STK32C: variants seen among roughly 807,000 people sequenced by gnomAD.
STK32C encodes serine/threonine kinase 32C, also known as serine/threonine-protein kinase 32C.
STK32C carries 31 observed loss-of-function variants against 56.5 expected under a neutral mutation model. The observed-to-expected ratio is 0.55, with a 90% confidence interval of 0.41 to 0.74. STK32C has a LOEUF of 0.74. Among genes scored for constraint, STK32C ranks in the 30% least tolerant of loss-of-function variants. The pLI is 0.00. For synonymous variants in STK32C, 309 were observed against 289.4 expected, an observed-to-expected ratio of 1.07 and a Z score of -0.69; for missense variants, 544 against 676.9, an observed-to-expected ratio of 0.80 and a Z score of 2.18.
chr10:132,243,720 G>A (rs1277902469), intron 2 of STK32C, among the ~76,000 whole-genome samples: 3 of 152,170 alleles, frequency 2.0e-5, no homozygotes, highest in Non-Finnish European at 2.9e-5. Context: ...CGAGAGCGGC[G>A]GCCCCGAGGG....
At chr10:132,219,708 G>A (rs967695987) in intron 10 of STK32C, among the ~76,000 whole-genome samples, 8 of 152,156 alleles carry the variant, frequency 5.3e-5, no homozygotes, top group African/African-American at 1.7e-4. Context: ...AGCCGTCCTG[G>A]AGGAGGGGCG....
chr10:132,218,806 A>G (rs2062546152), intron 10 of STK32C, among the ~76,000 whole-genome samples: 1 of 152,240 alleles, frequency 6.6e-6, no homozygotes, highest in South Asian at 2.1e-4. Flanking sequence ...GAAAGAACAA[A>G]TACTCATCAA....
At chr10:132,281,178 G>C (rs1590378878) in intron 1 of STK32C, among the ~76,000 whole-genome samples, 2 of 149,436 alleles carry the variant, frequency 1.3e-5, no homozygotes, top group East Asian at 2.0e-4. Context: ...GATCCTCGTG[G>C]ACACACACAC....
At chr10:132,285,874 C>A (rs1273572396) in intron 1 of STK32C, among the ~76,000 whole-genome samples, 1 of 152,198 alleles carries the variant, frequency 6.6e-6, no homozygotes, top group Non-Finnish European at 1.5e-5. Flanking sequence ...GTAAGCCCAG[C>A]ACTTTGGGAG....
At chr10:132,224,356 G>T (rs1367231246) in intron 8 of STK32C, 51 bp downstream of exon 8, 3 of 1,357,432 alleles carry the variant, frequency 2.2e-6, no homozygotes, top group Non-Finnish European at 2.1e-6. Flanking sequence ...GGTAAGTGAG[G>T]GAGGGAGGTG....
downstream of STK32C, among the ~76,000 whole-genome samples, chr10:132,321,123 TG>T (rs906449567): frequency 3.9e-5 from 6 of 152,058 alleles, no homozygotes; most frequent in African/African-American, 1.4e-4. Flanking sequence ...AAAGGGATGT[TG>T]GGGGGATGCC....
intron 1 of STK32C, among the ~76,000 whole-genome samples, chr10:132,254,266 G>A (rs55633218): frequency 0.054 from 8,171 of 152,064 alleles, 591 homozygotes; most frequent in African/African-American, 0.17. Flanking sequence ...CCAAGATCGC[G>A]CCTCTGCACT....
At position 132,271,289 on chromosome 10, in the gene STK32C, GCAGCCCTACAGCAACGGTTCC is replaced by G. The variant is rs574079943; in HGVS notation, c.263-25355_263-25335del. 5.8e-4 allele frequency among the ~76,000 whole-genome samples: 89 copies of G among 152,282 alleles called. 1 individual carries two copies. The highest frequency in any genetic ancestry group is 2.1e-3 in the African/African-American group (86 of 41,546). On this transcript the variant is annotated intron_variant, in intron 1 of 11. Coordinates refer to ENST00000298630, the MANE Select transcript of STK32C (RefSeq NM_173575.4). ...CCCATACACCCCATCTGTAAAGCAG[GCAGCCCTACAGCAACGGTTCC>G]CAGGCCCCTGGCACTCAGGAAAAAA...
chr10:132,271,765 C>A (rs1376780829), intron 1 of STK32C, among the ~76,000 whole-genome samples: 1 of 152,216 alleles, frequency 6.6e-6, no homozygotes, highest in Non-Finnish European at 1.5e-5. Context: ...CGACACCCCA[C>A]ACCTACAGAA....
At chr10:132,235,133 T>C (rs995603312) in intron 2 of STK32C, among the ~76,000 whole-genome samples, 2 of 147,584 alleles carry the variant, frequency 1.4e-5, no homozygotes, top group Non-Finnish European at 3.0e-5. Flanking sequence ...ACCGTGTGAG[T>C]GGTGTGAGTG....
chr10:132,320,701 C>T (rs34735249), downstream of STK32C, among the ~76,000 whole-genome samples: 21,136 of 152,148 alleles, frequency 0.14, 2,000 homozygotes, highest in Non-Finnish European at 0.22. Flanking sequence ...TTGTGCGCCA[C>T]GTTGAGGCCT....
At position 132,207,950 on chromosome 10, in the gene STK32C, T is replaced by G. The variant is rs761977823; in HGVS notation, c.*60A>C. 3.6e-5 allele frequency: 45 copies of G among 1,266,656 alleles called. No individual in the cohort carries two copies. Among genetic ancestry groups the G allele is most frequent in the South Asian group, 7.7e-5 (2 of 26,016 alleles). The allele number at this position is 1,266,656 out of a possible 1,614,324, so 78.5% of individuals were successfully genotyped here. A position where few individuals can be genotyped will look rare whatever the true frequency, so the allele number is the denominator to read the frequency against. On this transcript the variant is annotated 3_prime_UTR_variant, in exon 12 of 12. Coordinates refer to ENST00000298630, the MANE Select transcript of STK32C (RefSeq NM_173575.4). ...AATGCCAGGCCTCGGCCCATGGCCC[T>G]CCCTCTGGCAGCCGAGTCTCCAAAG...
Position 132,226,811 on chromosome 10 carries a change from G to A in STK32C, c.628C>T (p.Gln210Ter), listed in dbSNP as rs1349249786. 6.2e-7 allele frequency: 1 copy of A among 1,612,846 alleles called. No individual in the cohort carries two copies. Among genetic ancestry groups the A allele is most frequent in the African/African-American group, 1.3e-5 (1 of 74,946 alleles). ...CGCACACACCTGTGGATGATGTGCTGGCCGCGCAGGTAGTCCAGAGCCAGT... is the reference window on the plus strand; with the variant it reads ...CGCACACACCTGTGGATGATGTGCTAGCCGCGCAGGTAGTCCAGAGCCAGT... ...MALALDYLRG[Q>*]HIIHRDVKPD... The change falls in exon 4 of 12, where the codon CAG becomes TAG. Residue 210 changes from glutamine (Q) to a stop codon, truncating the protein, a stop_gained. Transcript: ENST00000298630. LOFTEE classifies it high-confidence loss of function.
intron 1 of STK32C, among the ~76,000 whole-genome samples, chr10:132,269,187 G>A (rs2064730108): frequency 6.6e-6 from 1 of 152,148 alleles, no homozygotes; most frequent in Non-Finnish European, 1.5e-5. Context: ...CATCGTGTGT[G>A]TGTCTGTGTG....
chr10:132,227,846 A>T, intron 3 of STK32C, 131 bp downstream of exon 3: 1 of 1,156,804 alleles, frequency 8.6e-7, no homozygotes, highest in Non-Finnish European at 1.2e-6. Flanking sequence ...AGGGCTAGAG[A>T]GGGCCTGTGG....
At chr10:132,212,125 G>A (rs2062324158) in intron 10 of STK32C, among the ~76,000 whole-genome samples, 1 of 152,136 alleles carries the variant, frequency 6.6e-6, no homozygotes, top group South Asian at 2.1e-4. Context: ...CAGTGGAAAT[G>A]CCAGGGACCC....
intron 10 of STK32C, among the ~76,000 whole-genome samples, chr10:132,220,905 G>A (rs2062616699): frequency 6.6e-6 from 1 of 152,188 alleles, no homozygotes; most frequent in African/African-American, 2.4e-5. Context: ...TCACATAACT[G>A]CCCAAGGGGT....
intron 1 of STK32C, among the ~76,000 whole-genome samples, chr10:132,250,302 G>A (rs1232236313): frequency 2.0e-5 from 3 of 151,488 alleles, no homozygotes; most frequent in Non-Finnish European, 4.4e-5. Context: ...GCACAGGACA[G>A]GTCACTGCAG....
rs77207831 is a variant in STK32C, at chr10:132,272,410, G to A, written c.263-26455C>T. Among the ~76,000 whole-genome samples, 1,050 of 152,302 alleles carry A rather than the reference G, an allele frequency of 6.9e-3. 63 individuals are homozygous for A. In the East Asian group the frequency reaches 0.15, roughly 22 times the overall value. ...CCACCCACGAACAACCCGAGCAAAT[G>A]AATACAATGTCTGAAACCCACAACC... On this transcript the variant is annotated intron_variant, in intron 1 of 11. Transcript: ENST00000298630.
Sources: gnomAD v4.1 joint callset for allele counts (sites outside exome capture counted in the v4.1 genomes callset) on GRCh38, gnomAD v4.1.1 for gene constraint, MANE v1.5 for transcripts, NCBI Gene and HGNC (gene_info 2026-07-23, HGNC 2026-07-21) for gene names.